The following L3MBTL4 variants were observed in gnomAD, a reference collection of about 807,000 sequenced individuals.
L3MBTL4 encodes the protein lethal(3)malignant brain tumor-like protein 4.
In L3MBTL4, 70 loss-of-function variants were observed where a neutral mutation model predicts 84.5. That is an observed-to-expected ratio of 0.83 (90% CI 0.68 to 1.01). The LOEUF (loss-of-function observed/expected upper bound fraction) is 1.01, where lower values mean the gene tolerates loss of function less well. Ranked by LOEUF, L3MBTL4 falls within the 50% of genes least tolerant of loss-of-function variation. The probability of loss-of-function intolerance (pLI) is 0.00; values close to 1 mark genes in which losing one functional copy is unlikely to be tolerated. For synonymous variants in L3MBTL4, 274 were observed against 259.8 expected (o/e 1.05, Z -0.52); for missense variants, 715 against 754.8 (o/e 0.95, Z 0.62).
At chr18:6,095,798 T>C (rs2058623239) in intron 14 of L3MBTL4, among the ~76,000 whole-genome samples, 1 of 152,182 alleles carries the variant, frequency 6.6e-6, no homozygotes, top group Admixed American at 6.5e-5. Flanking sequence ...CAGGCCAGCA[T>C]ACGCTTGAGT....
intron 12 of L3MBTL4, among the ~76,000 whole-genome samples, chr18:6,187,526 A>C (rs2044833383): frequency 6.6e-6 from 1 of 152,190 alleles, no homozygotes; most frequent in Non-Finnish European, 1.5e-5. Flanking sequence ...ATTTTGCTTA[A>C]AACTGTGTTG....
At chr18:6,099,246 A>T (rs1243227436) in intron 14 of L3MBTL4, among the ~76,000 whole-genome samples, 1 of 152,126 alleles carries the variant, frequency 6.6e-6, no homozygotes, top group Non-Finnish European at 1.5e-5. Context: ...GTCTACTCTC[A>T]CACAGTATAA....
At chr18:6,213,392 T>C (rs970996995) in intron 11 of L3MBTL4, 133 bp from the exon 12 acceptor site, 9 of 575,722 alleles carry the variant, frequency 1.6e-5, no homozygotes, top group Non-Finnish European at 2.1e-5. Context: ...TTAGTGTTTT[T>C]TGTTTTGCTT....
intron 1 of L3MBTL4, among the ~76,000 whole-genome samples, chr18:6,319,274 A>G (rs1489824264): frequency 6.6e-6 from 1 of 152,000 alleles, no homozygotes; most frequent in Non-Finnish European, 1.5e-5. Context: ...AGATCAGAGT[A>G]GAACTAAGTG....
At chr18:6,307,276 C>CA (rs35431212) in intron 3 of L3MBTL4, among the ~76,000 whole-genome samples, 31,089 of 144,396 alleles carry the variant, frequency 0.22, 3,251 homozygotes, top group Middle Eastern at 0.24. Context: ...ATTAAAAATA[C>CA]AAAAAAAAAA....
intron 12 of L3MBTL4, among the ~76,000 whole-genome samples, chr18:6,208,786 T>C (rs909551571): frequency 6.6e-6 from 1 of 152,204 alleles, no homozygotes; most frequent in African/African-American, 2.4e-5. Context: ...TTGAACAAGA[T>C]ACACTGAGTA....
At chr18:6,294,504 T>G (rs1237143454) in intron 4 of L3MBTL4, among the ~76,000 whole-genome samples, 1 of 152,080 alleles carries the variant, frequency 6.6e-6, no homozygotes, top group Non-Finnish European at 1.5e-5. Context: ...TTATTCAAAC[T>G]CAAAATGAAA....
At chr18:6,108,637 G>A (rs1020746568) in intron 14 of L3MBTL4, among the ~76,000 whole-genome samples, 3 of 151,810 alleles carry the variant, frequency 2.0e-5, no homozygotes, top group Non-Finnish European at 4.4e-5. Context: ...TCAATCTCAG[G>A]GCATTTCTAG....
At chr18:6,300,218 G>A (rs1323621883) in intron 4 of L3MBTL4, among the ~76,000 whole-genome samples, 1 of 152,054 alleles carries the variant, frequency 6.6e-6, no homozygotes, top group Non-Finnish European at 1.5e-5. Context: ...ACTAAAAATG[G>A]TAAAAATATA....
At chr18:6,131,812 A>G (rs1422923379) in intron 14 of L3MBTL4, among the ~76,000 whole-genome samples, 2 of 152,216 alleles carry the variant, frequency 1.3e-5, no homozygotes, top group Admixed American at 6.5e-5. Flanking sequence ...GAAGAACAAC[A>G]CTTTTAATCT....
At chr18:6,176,504 G>T (rs2044232058) in intron 12 of L3MBTL4, among the ~76,000 whole-genome samples, 1 of 151,530 alleles carries the variant, frequency 6.6e-6, no homozygotes, top group Non-Finnish European at 1.5e-5. Flanking sequence ...ATCAACATGT[G>T]AAAAAAAATG....
chr18:6,267,012 G>A (rs943252299), intron 4 of L3MBTL4, among the ~76,000 whole-genome samples: 5 of 151,918 alleles, frequency 3.3e-5, no homozygotes, highest in African/African-American at 7.2e-5. Flanking sequence ...AAAATGTTAC[G>A]TGGAAATTTT....
intron 14 of L3MBTL4, among the ~76,000 whole-genome samples, chr18:6,108,383 C>T (rs989265824): frequency 3.9e-5 from 6 of 152,102 alleles, no homozygotes; most frequent in African/African-American, 1.4e-4. Flanking sequence ...TATAAAAAAA[C>T]AGTTACAATA....
At chr18:6,081,141 G>A in intron 15 of L3MBTL4, 190 bp from the exon 16 acceptor site, 1 of 440,854 alleles carries the variant, frequency 2.3e-6, no homozygotes, top group Non-Finnish European at 4.0e-6. Context: ...CAGAAACTCT[G>A]ACTTTGAACC....
intron 15 of L3MBTL4, among the ~76,000 whole-genome samples, chr18:6,085,993 C>T (rs2058246848): frequency 6.6e-6 from 1 of 152,146 alleles, no homozygotes; most frequent in African/African-American, 2.4e-5. Flanking sequence ...TTTTTCCAAA[C>T]ATCTATATGT....
intron 1 of L3MBTL4, chr18:6,374,325 A>AC (rs1382225071): frequency 1.3e-5 from 2 of 154,472 alleles, no homozygotes; most frequent in African/African-American, 4.8e-5. Context: ...ATGGGTTAAC[A>AC]CCGGCAAAGG....
At chr18:6,178,882 G>A (rs2044341187) in intron 12 of L3MBTL4, among the ~76,000 whole-genome samples, 1 of 152,050 alleles carries the variant, frequency 6.6e-6, no homozygotes, top group Admixed American at 6.6e-5. Context: ...CCCACAGTAG[G>A]ACTTGCCCTG....
chr18:6,211,896 G>A (rs957330515), intron 12 of L3MBTL4, among the ~76,000 whole-genome samples: 9 of 152,130 alleles, frequency 5.9e-5, no homozygotes, highest in African/African-American at 1.7e-4. Context: ...TGATACGCCC[G>A]CCTCAGCCTC....
intron 1 of L3MBTL4, among the ~76,000 whole-genome samples, chr18:6,315,016 A>C (rs2146979242): frequency 6.6e-6 from 1 of 152,338 alleles, no homozygotes; most frequent in Admixed American, 6.5e-5. Flanking sequence ...TCCCAGTTTA[A>C]ACAATAAATC....
Sources: gnomAD v4.1 joint callset for allele counts (sites outside exome capture counted in the v4.1 genomes callset) on GRCh38, gnomAD v4.1.1 for gene constraint, MANE v1.5 for transcripts, NCBI Gene and HGNC (gene_info 2026-07-23, HGNC 2026-07-21) for gene names.